TAF8: variants seen among roughly 807,000 people sequenced by gnomAD.
TAF8 encodes transcription initiation factor TFIID subunit 8.
In TAF8, 47 loss-of-function variants were observed where a neutral mutation model predicts 36.5. The observed-to-expected ratio is 1.29, with a 90% CI of 1.02 to 1.64. The LOEUF (loss-of-function observed/expected upper bound fraction) is 1.64, where lower values mean the gene tolerates loss of function less well. TAF8 is among the 40% of genes most tolerant of loss of function. The pLI is 0.00. For missense variants in TAF8, 420 were observed against 407.6 expected (o/e 1.03, Z -0.26); for synonymous variants, 175 against 159.5 (o/e 1.10, Z -0.73).
intron 4 of TAF8, 94 bp from the exon 5 acceptor site, chr6:42,057,295 A>T (rs1765026968): frequency 6.4e-7 from 1 of 1,569,512 alleles, no homozygotes; most frequent in East Asian, 2.2e-5. Flanking sequence ...GAGGTCTGGC[A>T]TTTTTTTGAG....
chr6:42,059,488 TG>T (rs1418902680), intron 5 of TAF8, among the ~76,000 whole-genome samples: 1 of 152,118 alleles, frequency 6.6e-6, no homozygotes, highest in Non-Finnish European at 1.5e-5. Context: ...TTTATTGATC[TG>T]GGTGGTGCCA....
downstream of TAF8, among the ~76,000 whole-genome samples, chr6:42,083,756 T>C (rs141185545): frequency 5.2e-4 from 79 of 151,732 alleles, no homozygotes; most frequent in African/African-American, 1.9e-3. Context: ...TCAGGAAGAG[T>C]GTCCCAGGGC....
chr6:42,055,731 C>T (rs961407691), intron 3 of TAF8, 102 bp downstream of exon 3: 1 of 960,876 alleles, frequency 1.0e-6, no homozygotes, highest in Non-Finnish European at 1.7e-6. Flanking sequence ...TCATGGTTCT[C>T]TTGAATTGCT....
At chr6:42,062,862 G>T (rs1215236503) in intron 5 of TAF8, among the ~76,000 whole-genome samples, 2 of 152,036 alleles carry the variant, frequency 1.3e-5, no homozygotes, top group African/African-American at 4.8e-5. Context: ...AAAACCCTCT[G>T]AACTAGACAA....
In TAF8 at chr6:42,078,136, C is replaced by T. The variant is rs1265406166; in HGVS notation, c.*591C>T. The stretch of plus-strand genomic sequence containing the variant: ...GAACTCCTGACCTCAAGTGATAACC[C>T]GCCTCGGCCTCCCAAAGTGCTGAGA... On this transcript the variant is annotated 3_prime_UTR_variant, in exon 9 of 9. Coordinates refer to ENST00000372977, the MANE Select transcript of TAF8 (RefSeq NM_138572.3). 6 of 880,316 alleles carry T rather than the reference C, an allele frequency of 6.8e-6. No individual in the cohort carries two copies. Among genetic ancestry groups the T allele is most frequent in the South Asian group, 5.2e-5 (1 of 19,232 alleles). 54.5% of individuals were successfully genotyped at this position (880,316 alleles called of 1,614,324 possible). A position where few individuals can be genotyped will look rare whatever the true frequency, so the allele number is the denominator to read the frequency against.
In TAF8 at chr6:42,071,311, CTTTTTTTTTTTTTT is replaced by C. The variant is rs70987566; in HGVS notation, c.780+2724_780+2737del. On this transcript the variant is annotated intron_variant, in intron 7 of 8. Transcript: ENST00000372977. ...TGAAGGTCTTATTTGCCTGGACATA[CTTTTTTTTTTTTTT>C]TTTTTTTTTTTTTTTTTTTAGATAG... 1,152 of 121,588 alleles carry C rather than the reference CTTTTTTTTTTTTTT, an allele frequency of 9.5e-3. 5 individuals carry two copies. Among genetic ancestry groups the C allele is most frequent in the South Asian group, 0.02 (175 of 8,936 alleles). 7.5% of individuals were successfully genotyped at this position (121,588 alleles called of 1,614,324 possible).
chr6:42,070,052 C>T (rs1206540821), intron 7 of TAF8, among the ~76,000 whole-genome samples: 1 of 151,926 alleles, frequency 6.6e-6, no homozygotes, highest in Non-Finnish European at 1.5e-5. Context: ...TTGATGAGAG[C>T]CATTTCAGTA....
chr6:42,054,837 C>G (rs1251823854), intron 2 of TAF8, among the ~76,000 whole-genome samples: 2 of 152,092 alleles, frequency 1.3e-5, no homozygotes, highest in African/African-American at 4.8e-5. Flanking sequence ...AACTCCTGAC[C>G]TCAAGTGATC....
intron 7 of TAF8, chr6:42,071,232 G>GCAGC (rs1765555159): frequency 5.5e-6 from 1 of 181,720 alleles, no homozygotes; most frequent in South Asian, 7.5e-5. Context: ...ACCCCAAATG[G>GCAGC]CAGCCAGCCA....
At chr6:42,051,057 A>T (rs555143109) in intron 1 of TAF8, 9 of 1,104,400 alleles carry the variant, frequency 8.1e-6, no homozygotes, top group Middle Eastern at 4.0e-4. Flanking sequence ...TCTTAATCCC[A>T]TCATGCGTGT....
downstream of TAF8, among the ~76,000 whole-genome samples, chr6:42,086,485 C>T (rs79652106): frequency 0.01 from 1,524 of 152,280 alleles, 23 homozygotes; most frequent in African/African-American, 0.034. Context: ...GTGGCCACCA[C>T]GTGTTTTCAG....
chr6:42,077,197 C>G lies in TAF8; in HGVS notation c.878C>G (p.Pro293Arg), dbSNP rs1402184812. The G allele has an allele frequency of 2.5e-6, 4 of 1,614,070 alleles. No homozygotes were observed. The highest frequency in any genetic ancestry group is 3.4e-6 in the Non-Finnish European group (4 of 1,179,960). The change falls in exon 8 of 9, where the codon CCT (proline) becomes CGT (arginine). Residue 293 changes from proline to arginine, a missense_variant. Physicochemically the swap from Pro to Arg is moderately radical, Grantham distance 103. Transcript: ENST00000372977. The stretch of plus-strand genomic sequence containing the variant: ...GGGGAGGAGAACATCATCGATAACC[C>G]TTATCTGCGGCCGGTGAAGAAGCCC... ...RNGEENIIDN[P>R]YLRPVKKPKI...
At chr6:42,053,777 C>A (rs1018965240) in intron 2 of TAF8, among the ~76,000 whole-genome samples, 1 of 152,090 alleles carries the variant, frequency 6.6e-6, no homozygotes, top group South Asian at 2.1e-4. Flanking sequence ...GATTTTGGGG[C>A]CTACCACAGA....
rs1441247014 is a variant in TAF8, at chr6:42,079,631, C to T, written c.*2086C>T. The T allele has an allele frequency of 2.2e-6, 2 of 918,064 alleles. No homozygotes were observed. Among genetic ancestry groups the T allele is most frequent in the African/African-American group, 1.8e-5 (1 of 55,678 alleles). 56.9% of individuals were successfully genotyped at this position (918,064 alleles called of 1,614,324 possible). A position where few individuals can be genotyped will look rare whatever the true frequency, so the allele number is the denominator to read the frequency against. ...CAGCTGGAGTATAGTGGCACTACCT[C>T]GGCTCACTGCAACCTCCACTCCCCG... is the stretch of plus-strand genomic sequence containing the variant. On this transcript the variant is annotated 3_prime_UTR_variant, in exon 9 of 9. Coordinates refer to ENST00000372977, the MANE Select transcript of TAF8 (RefSeq NM_138572.3).
chr6:42,072,204 C>T (rs1765602226), intron 7 of TAF8, among the ~76,000 whole-genome samples: 1 of 152,262 alleles, frequency 6.6e-6, no homozygotes. Context: ...ACTGCTCCCT[C>T]CCCTGCTGTT....
chr6:42,084,393 T>C (rs1765995930), downstream of TAF8, among the ~76,000 whole-genome samples: 1 of 152,148 alleles, frequency 6.6e-6, no homozygotes, highest in Non-Finnish European at 1.5e-5. Flanking sequence ...CTAATGAGGT[T>C]GGGAAAATTA....
chr6:42,076,206 C>CA (rs758863664), intron 7 of TAF8, among the ~76,000 whole-genome samples: 3,498 of 138,776 alleles, frequency 0.025, 139 homozygotes, highest in African/African-American at 0.084. Context: ...GACTCCATCT[C>CA]AAAAAAAAAA....
At chr6:42,068,882 A>T (rs1359309270) in intron 7 of TAF8, among the ~76,000 whole-genome samples, 1 of 152,162 alleles carries the variant, frequency 6.6e-6, no homozygotes, top group South Asian at 2.1e-4. Context: ...CCCTGTCCTC[A>T]TGGGGCTAAT....
chr6:42,064,862 C>T (rs1765304178), intron 5 of TAF8, among the ~76,000 whole-genome samples: 1 of 140,738 alleles, frequency 7.1e-6, no homozygotes, highest in African/African-American at 2.7e-5. Flanking sequence ...GAGGCTGAGG[C>T]AGGAGAATGG....
Sources: gnomAD v4.1 joint callset for allele counts (sites outside exome capture counted in the v4.1 genomes callset) on GRCh38, gnomAD v4.1.1 for gene constraint, MANE v1.5 for transcripts, NCBI Gene and HGNC (gene_info 2026-07-23, HGNC 2026-07-21) for gene names.